ORAI2: variants seen among roughly 807,000 people sequenced by gnomAD.
The protein encoded by ORAI2 is protein orai-2.
A neutral mutation model predicts 16.2 loss-of-function variants in ORAI2; 10 were observed. The ratio of observed to expected loss-of-function variants is 0.62; its 90% CI spans 0.38 to 1.04. ORAI2 has a LOEUF of 1.04. Among genes scored for constraint, ORAI2 ranks in the 50% least tolerant of loss-of-function variants. ORAI2 has a pLI of 0.01. For missense variants in ORAI2, 238 were observed against 355.5 expected (o/e 0.67, Z 2.66); for synonymous variants, 150 against 157.5 (o/e 0.95, Z 0.35).
At chr7:102,435,791 T>C (rs10953364) in intron 1 of ORAI2, among the ~76,000 whole-genome samples, 123,935 of 151,922 alleles carry the variant, frequency 0.82, 50,640 homozygotes, top group Admixed American at 0.86. Context: ...CCCACCACCA[T>C]GCCCAGTTAC....
At chr7:102,442,260 A>G (rs111647198) in intron 3 of ORAI2, among the ~76,000 whole-genome samples, 2 of 152,110 alleles carry the variant, frequency 1.3e-5, no homozygotes, top group African/African-American at 4.8e-5. Flanking sequence ...TACTAAAAAT[A>G]TGAAAAGGAG....
At chr7:102,443,068 CA>C (rs1341293302) in intron 3 of ORAI2, among the ~76,000 whole-genome samples, 2 of 149,382 alleles carry the variant, frequency 1.3e-5, no homozygotes, top group African/African-American at 4.9e-5. Context: ...TGCATAAACA[CA>C]GTGAAAAATT....
At chr7:102,437,178 C>T (rs1165800414) in intron 2 of ORAI2, among the ~76,000 whole-genome samples, 15 of 152,134 alleles carry the variant, frequency 9.9e-5, no homozygotes, top group Non-Finnish European at 2.1e-4. Context: ...CAGGCATCTC[C>T]GCCTTCTGTT....
At chr7:102,444,343 G>A (rs571059501) in intron 3 of ORAI2, among the ~76,000 whole-genome samples, 2 of 147,996 alleles carry the variant, frequency 1.4e-5, no homozygotes, top group East Asian at 2.1e-4. Context: ...ACCCCTGCCC[G>A]CCAGATTCAA....
intron 3 of ORAI2, 116 bp from the exon 4 acceptor site, chr7:102,446,397 A>G: frequency 9.0e-7 from 1 of 1,105,656 alleles, no homozygotes; most frequent in East Asian, 2.6e-5. Context: ...AGGCAAGCCC[A>G]TGGCTACCCT....
chr7:102,446,844 C>T lies in ORAI2; in HGVS notation c.557C>T (p.Pro186Leu). 1 of 1,613,840 alleles carries T rather than the reference C, an allele frequency of 6.2e-7. No homozygotes were observed. Among genetic ancestry groups the T allele is most frequent in the Non-Finnish European group, 8.5e-7 (1 of 1,179,998 alleles). Residue 186 changes from proline to leucine, a missense_variant, in exon 4 of 4, where the codon CCT becomes CTT. Transcript: ENST00000495936. Reference protein sequence around the residue: ...VDARRQPGPPPGPGSHTGWQA... With the variant: ...VDARRQPGPPLGPGSHTGWQA... ...GCCCGGCGCCAGCCTGGCCCCCCAC[C>T]TGGCCCTGGGAGTCACACGGGCTGG...
chr7:102,446,930 AC>A lies in ORAI2; in HGVS notation c.645del (p.Ile216SerfsTer88), dbSNP rs1384330902. ...CGTGGGCCTCATCTTCGTGGTCTTC[AC>A]CATCCACTTCTACCGCTCCCTGGTG... ...VPVGLIFVVFTIHFYRSLVRH... is the reference protein window; with the variant it reads ...VPVGLIFVVFXIHFYRSLVRH... On this transcript the variant is annotated frameshift_variant, in exon 4 of 4. Coordinates refer to ENST00000495936, the MANE Select transcript of ORAI2 (RefSeq NM_001126340.3). LOFTEE classifies it high-confidence loss of function. 3.1e-6 allele frequency: 5 copies of A among 1,611,320 alleles called. No homozygotes were observed. Among genetic ancestry groups the A allele is most frequent in the Non-Finnish European group, 3.4e-6 (4 of 1,179,802 alleles).
rs567271006 is a variant in ORAI2, at chr7:102,434,287, C to T, written c.-123+626C>T. Among the ~76,000 whole-genome samples the T allele has an allele frequency of 4.6e-5, 7 of 152,144 alleles. No individual in the cohort carries two copies. In the South Asian group the frequency reaches 1.2e-3, roughly 27 times the overall value. On this transcript the variant is annotated intron_variant, in intron 1 of 3. Coordinates refer to ENST00000495936, the MANE Select transcript of ORAI2 (RefSeq NM_001126340.3). Reference sequence around the variant, plus strand: ...GACTCTGTCCCTCCCCCTGGGCCACCGGGCCTGGCACACACAGTTGGCATT... The same window carrying T: ...GACTCTGTCCCTCCCCCTGGGCCACTGGGCCTGGCACACACAGTTGGCATT...
intron 3 of ORAI2, among the ~76,000 whole-genome samples, chr7:102,440,079 C>T (rs751434461): frequency 2.0e-5 from 3 of 151,962 alleles, no homozygotes; most frequent in African/African-American, 4.8e-5. Flanking sequence ...GACTTTGTCT[C>T]GAAATAAATA....
Position 102,446,665 on chromosome 7 carries a change from C to A in ORAI2, c.378C>A (p.Ser126Arg). Reference sequence around the variant, plus strand: ...TCCTGCCCAATGTGGAGGCCGTGAGCAACATCCACAACCTGAACTCCATCA... The same window carrying A: ...TCCTGCCCAATGTGGAGGCCGTGAGAAACATCCACAACCTGAACTCCATCA... Reference protein sequence around the residue: ...TCILPNVEAVSNIHNLNSISE... With the variant: ...TCILPNVEAVRNIHNLNSISE... The change falls in exon 4 of 4, where the codon AGC becomes AGA. Residue 126 changes from serine to arginine, a missense_variant. Ser to Arg is a moderately radical substitution (Grantham distance 110). Coordinates refer to ENST00000495936, the MANE Select transcript of ORAI2 (RefSeq NM_001126340.3). The A allele has an allele frequency of 6.2e-7, 1 of 1,614,176 alleles. No individual in the cohort carries two copies. The highest frequency in any genetic ancestry group is 8.5e-7 in the Non-Finnish European group (1 of 1,180,034).
At chr7:102,435,138 GCA>G in intron 1 of ORAI2, among the ~76,000 whole-genome samples, 1 of 152,274 alleles carries the variant, frequency 6.6e-6, no homozygotes, top group South Asian at 2.1e-4. Flanking sequence ...AGGTATGGTG[GCA>G]CACACATGTA....
rs1328725370 is a variant in ORAI2, at chr7:102,448,077, C to A, written c.*1025C>A. The A allele has an allele frequency of 2.0e-5, 3 of 152,384 alleles. No individual in the cohort carries two copies. The highest frequency in any genetic ancestry group is 1.3e-4 in the Admixed American group (2 of 15,292). The allele number at this position is 152,384 out of a possible 1,614,324, so 9.4% of individuals were successfully genotyped here. A position where few individuals can be genotyped will look rare whatever the true frequency, so the allele number is the denominator to read the frequency against. On this transcript the variant is annotated 3_prime_UTR_variant, in exon 4 of 4. Coordinates refer to ENST00000495936, the MANE Select transcript of ORAI2 (RefSeq NM_001126340.3). ...GGGGGACTTCCTGCCTAGGCAAGGT[C>A]ATTGGCCGGGCCTGGCCTGTGGATA...
intron 1 of ORAI2, among the ~76,000 whole-genome samples, chr7:102,434,121 CAAAAAAAAA>C (rs55642836): frequency 6.0e-5 from 4 of 67,018 alleles, no homozygotes; most frequent in African/African-American, 1.7e-4. Flanking sequence ...CTCATTAAAG[CAAAAAAAAA>C]AAAAAAAAAA....
chr7:102,438,866 G>A lies in ORAI2; in HGVS notation c.-13-78G>A, dbSNP rs1189546583. The A allele has an allele frequency of 6.4e-6, 9 of 1,407,564 alleles. No homozygotes were observed. The African/African-American group carries it at 1.3e-4, about 20-fold the overall frequency. The allele number at this position is 1,407,564 out of a possible 1,614,324, so 87.2% of individuals were successfully genotyped here. ...GGGCTGTATATGGCAGCCTCTGTAG[G>A]TTGAATGGGCTTGGAGTCTAGCTCT... On this transcript the variant is annotated intron_variant, in intron 2 of 3. Coordinates refer to ENST00000495936, the MANE Select transcript of ORAI2 (RefSeq NM_001126340.3).
chr7:102,453,660 AC>A lies in ORAI2; in HGVS notation c.*6612del, dbSNP rs1383040130. 1 of 151,428 alleles carries A rather than the reference AC, an allele frequency of 6.6e-6. No homozygotes were observed. The highest frequency in any genetic ancestry group is 1.5e-5 in the Non-Finnish European group (1 of 67,898). The allele number at this position is 151,428 out of a possible 1,614,324, so 9.4% of individuals were successfully genotyped here. A position where few individuals can be genotyped will look rare whatever the true frequency, so the allele number is the denominator to read the frequency against. ...TTTCCTTAAAGGGAAAATCTGCCCC[AC>A]CCCTGTCAAGGGCAGGACACAAGTC... On this transcript the variant is annotated 3_prime_UTR_variant, in exon 4 of 4. Coordinates refer to ENST00000495936, the MANE Select transcript of ORAI2 (RefSeq NM_001126340.3).
rs1337401575 is a variant in ORAI2 at position 102,452,399 on chromosome 7, G to T, written c.*5347G>T. ...CCACCTCGGCCTCCCAAAGTGCTGG[G>T]ATTACAGGTGTGAGCCAGCTTGCCC... On this transcript the variant is annotated 3_prime_UTR_variant, in exon 4 of 4. Coordinates refer to ENST00000495936, the MANE Select transcript of ORAI2 (RefSeq NM_001126340.3). The T allele has an allele frequency of 6.6e-6, 1 of 152,296 alleles. No individual in the cohort carries two copies. Among genetic ancestry groups the T allele is most frequent in the Non-Finnish European group, 1.5e-5 (1 of 68,148 alleles). The allele number at this position is 152,296 out of a possible 1,614,324, so 9.4% of individuals were successfully genotyped here.
intron 3 of ORAI2, among the ~76,000 whole-genome samples, chr7:102,440,379 G>A (rs1797165404): frequency 1.3e-5 from 2 of 152,244 alleles, no homozygotes; most frequent in East Asian, 1.9e-4. Flanking sequence ...GTCAGTTTCC[G>A]ACAAAGCTGC....
chr7:102,436,697 C>T (rs1339723627), intron 2 of ORAI2, among the ~76,000 whole-genome samples: 2 of 152,050 alleles, frequency 1.3e-5, no homozygotes, highest in Non-Finnish European at 2.9e-5. Context: ...TTACTCTTTT[C>T]GTTTCTTTTT....
chr7:102,443,685 C>G (rs1797274049), intron 3 of ORAI2, among the ~76,000 whole-genome samples: 1 of 152,004 alleles, frequency 6.6e-6, no homozygotes, highest in Non-Finnish European at 1.5e-5. Flanking sequence ...TTTTTCGGCT[C>G]TGGTCCACTA....
Sources: allele counts gnomAD v4.1 joint callset (sites outside exome capture counted in the v4.1 genomes callset), GRCh38; gene constraint gnomAD v4.1.1; transcripts MANE v1.5; gene names NCBI Gene and HGNC (gene_info 2026-07-23, HGNC 2026-07-21).